Variants in POLR3A observed in about 807,000 individuals in gnomAD.
The protein encoded by POLR3A is RNA polymerase III subunit A, also known as DNA-directed RNA polymerase III subunit RPC1.
POLR3A carries 112 observed loss-of-function variants against 152.8 expected under a neutral mutation model. The ratio of observed to expected loss-of-function variants is 0.73; its 90% CI spans 0.63 to 0.86. The LOEUF is 0.86. POLR3A is among the 40% of genes least tolerant of loss of function. The pLI, the probability that POLR3A is intolerant of heterozygous loss-of-function variation, is 0.00. For synonymous variants in POLR3A, 615 were observed against 652.1 expected, an observed-to-expected ratio of 0.94 and a Z score of 0.87; for missense variants, 1,385 against 1,743.1, an observed-to-expected ratio of 0.79 and a Z score of 3.66.
chr10:78,008,034 G>T (rs1029540532), intron 14 of POLR3A, among the ~76,000 whole-genome samples, 168 bp from the exon 15 acceptor site: 3 of 151,806 alleles, frequency 2.0e-5, no homozygotes, highest in Non-Finnish European at 4.4e-5. Flanking sequence ...GGGGTTAAAG[G>T]AAAACTTGGG....
At chr10:77,979,041 G>A (rs1847115684) in intron 30 of POLR3A, among the ~76,000 whole-genome samples, 1 of 146,714 alleles carries the variant, frequency 6.8e-6, no homozygotes, top group Non-Finnish European at 1.5e-5. Context: ...TCAAACTCCT[G>A]GGCTCAAGTG....
chr10:77,983,132 C>T (rs1382133285), intron 26 of POLR3A, among the ~76,000 whole-genome samples: 6 of 152,120 alleles, frequency 3.9e-5, no homozygotes, highest in Non-Finnish European at 7.4e-5. Flanking sequence ...GGAGGCCAGG[C>T]TAATTAAAAG....
chr10:78,013,977 T>C (rs1847492043), intron 10 of POLR3A, among the ~76,000 whole-genome samples, 187 bp from the exon 11 acceptor site: 2 of 152,086 alleles, frequency 1.3e-5, no homozygotes, highest in Non-Finnish European at 2.9e-5. Flanking sequence ...GCCAACATGG[T>C]GAAACCCCAT....
chr10:77,990,040 A>G lies in POLR3A; in HGVS notation c.2901+1014T>C, dbSNP rs901064121. ...GCTTCACTCGCTGTTTTTATTTTTG[A>G]TCTACGGAAAGAGATACATTCTTCT... On this transcript the variant is annotated intron_variant, in intron 21 of 30. Coordinates refer to ENST00000372371, the MANE Select transcript of POLR3A (RefSeq NM_007055.4). 1.1e-4 allele frequency among the ~76,000 whole-genome samples: 17 copies of G among 152,282 alleles called. No homozygotes were observed. The East Asian group carries it at 3.3e-3, about 29-fold the overall frequency.
intron 21 of POLR3A, among the ~76,000 whole-genome samples, chr10:77,989,592 C>G (rs58724928): frequency 0.017 from 2,662 of 152,280 alleles, 77 homozygotes; most frequent in African/African-American, 0.059. Flanking sequence ...TAAACCTTTT[C>G]AAGGGCAAGA....
In POLR3A at chr10:78,000,815, T is replaced by C. The variant is rs558842859; in HGVS notation, c.2478+161A>G. Among the ~76,000 whole-genome samples the C allele has an allele frequency of 9.8e-5, 15 of 152,348 alleles. No individual in the cohort carries two copies. In the East Asian group the frequency reaches 2.9e-3, roughly 29 times the overall value. On this transcript the variant is annotated intron_variant, in intron 18 of 30. Transcript: ENST00000372371. The stretch of plus-strand genomic sequence containing the variant: ...CTAGAATTTCAGGCATGAGACACTG[T>C]GCCCGGCCTGAAGTGTATCTTAATA...
intron 5 of POLR3A, among the ~76,000 whole-genome samples, chr10:78,022,770 G>C (rs183782372): frequency 2.0e-5 from 3 of 152,036 alleles, no homozygotes; most frequent in Non-Finnish European, 4.4e-5. Context: ...ATAAAATCAC[G>C]GTATATCCCT....
intron 21 of POLR3A, among the ~76,000 whole-genome samples, chr10:77,987,997 G>A (rs1564614700): frequency 6.6e-6 from 1 of 152,190 alleles, no homozygotes; most frequent in Non-Finnish European, 1.5e-5. Flanking sequence ...GGGTTTCTTC[G>A]ATGTAATCTT....
At chr10:78,008,989 C>T (rs1010224838) in intron 14 of POLR3A, among the ~76,000 whole-genome samples, 1 of 151,522 alleles carries the variant, frequency 6.6e-6, no homozygotes, top group African/African-American at 2.4e-5. Context: ...CCCGTCTCTA[C>T]TAAAAATACA....
In POLR3A at chr10:78,001,063, G is replaced by C. The variant is rs754643240; in HGVS notation, c.2391C>G (p.Ala797=). The C allele has an allele frequency of 1.2e-6, 2 of 1,608,920 alleles. No homozygotes were observed. Among genetic ancestry groups the C allele is most frequent in the Non-Finnish European group, 1.7e-6 (2 of 1,175,520 alleles). The change falls in exon 18 of 31, where the codon GCC becomes GCG. Residue 797 remains alanine, a synonymous_variant. Coordinates refer to ENST00000372371, the MANE Select transcript of POLR3A (RefSeq NM_007055.4). ...GSFINISQMI[A]CVGQQAISGS... ...CACTGATGGCCTGCTGTCCCACACA[G>C]GCAATCATCTGTGATATGTTAATGA...
In POLR3A at chr10:78,021,885, G is replaced by A. The variant is rs772354969; in HGVS notation, c.1023C>T (p.Phe341=). ...NMAPKKWTRG[F]VQRLKGKQGR... ...CCTGTTTTCCCTTCAGGCGTTGGAC[G>A]AAGCCTCTGGTCCACTTCTTGGGTG... The change falls in exon 7 of 31, where the codon TTC becomes TTT. Residue 341 remains phenylalanine (F), a synonymous_variant. Coordinates refer to ENST00000372371, the MANE Select transcript of POLR3A (RefSeq NM_007055.4). 2.2e-5 allele frequency: 35 copies of A among 1,613,904 alleles called. No homozygotes were observed. Among genetic ancestry groups the A allele is most frequent in the South Asian group, 1.2e-4 (11 of 91,074 alleles).
In POLR3A at chr10:77,975,243, A is replaced by C. The variant is rs1225575484; in HGVS notation, c.*2235T>G. On this transcript the variant is annotated 3_prime_UTR_variant, in exon 31 of 31. Coordinates refer to ENST00000372371, the MANE Select transcript of POLR3A (RefSeq NM_007055.4). ...CTCTCATGCTTGAGGATGTGCTGCT[A>C]CCTGGCCTTTGAGCTCTGTGCTGGC... 6.6e-6 allele frequency: 1 copy of C among 152,214 alleles called. No homozygotes were observed. The highest frequency in any genetic ancestry group is 6.5e-5 in the Admixed American group (1 of 15,272). 9.4% of individuals were successfully genotyped at this position (152,214 alleles called of 1,614,324 possible).
At position 78,025,065 on chromosome 10, in the gene POLR3A, G is replaced by C. The variant is rs143082293; in HGVS notation, c.396C>G (p.Pro132=). Residue 132 remains proline, a synonymous_variant, in exon 4 of 31, where the codon CCC becomes CCG. Coordinates refer to ENST00000372371, the MANE Select transcript of POLR3A (RefSeq NM_007055.4). ...KKQFLDYLKR[P]GLTYLQKRGL... The stretch of plus-strand genomic sequence containing the variant: ...CTCGCTTCTGAAGGTAGGTCAGGCC[G>C]GGCCTCTTTAGATAGTCCAGAAACT... 1 of 1,613,970 alleles carries C rather than the reference G, an allele frequency of 6.2e-7. No individual in the cohort carries two copies. The highest frequency in any genetic ancestry group is 8.5e-7 in the Non-Finnish European group (1 of 1,179,998).
At chr10:77,992,753 T>C (rs1847261774) in intron 20 of POLR3A, among the ~76,000 whole-genome samples, 1 of 152,112 alleles carries the variant, frequency 6.6e-6, no homozygotes, top group African/African-American at 2.4e-5. Flanking sequence ...TTGCCCAGGC[T>C]GACCTCAAAC....
chr10:78,004,983 T>C (rs1398203187), intron 15 of POLR3A, 95 bp from the exon 16 acceptor site: 5 of 922,390 alleles, frequency 5.4e-6, no homozygotes, highest in African/African-American at 1.6e-5. Flanking sequence ...GTTTGTACTA[T>C]ATATAAACTA....
chr10:78,005,168 C>A (rs914837728), intron 15 of POLR3A, among the ~76,000 whole-genome samples: 2 of 152,192 alleles, frequency 1.3e-5, no homozygotes, highest in African/African-American at 4.8e-5. Flanking sequence ...CCGTTTCCAA[C>A]TATTATCTAA....
rs72642273 is a variant in POLR3A at position 78,001,435 on chromosome 10, G to C, written c.2360-341C>G. ...GAGAGGGGGAGGAATTCCAAAGTGGGTGGGAAAGTAGGAAGCAAAGACAGA... is the reference window on the plus strand; with the variant it reads ...GAGAGGGGGAGGAATTCCAAAGTGGCTGGGAAAGTAGGAAGCAAAGACAGA... On this transcript the variant is annotated intron_variant, in intron 17 of 30. Transcript: ENST00000372371. 0.042 allele frequency among the ~76,000 whole-genome samples: 6,430 copies of C among 152,136 alleles called. 324 individuals carry two copies. The highest frequency in any genetic ancestry group is 0.23 in the East Asian group (1,184 of 5,142).
intron 10 of POLR3A, among the ~76,000 whole-genome samples, chr10:78,015,248 C>G (rs1847507312): frequency 6.6e-6 from 1 of 152,162 alleles, no homozygotes; most frequent in Non-Finnish European, 1.5e-5. Flanking sequence ...GTGGCTAAAC[C>G]TTGAAAATTA....
chr10:78,025,478 G>A (rs1254167343), intron 3 of POLR3A, 144 bp downstream of exon 3: 37 of 799,248 alleles, frequency 4.6e-5, no homozygotes, highest in Admixed American at 2.1e-5. Context: ...ATTTAACGTA[G>A]TGTGAGATGA....
Sources: allele counts gnomAD v4.1 joint callset (sites outside exome capture counted in the v4.1 genomes callset), GRCh38; gene constraint gnomAD v4.1.1; transcripts MANE v1.5; gene names NCBI Gene and HGNC (gene_info 2026-07-23, HGNC 2026-07-21).